The following NR3C2 variants were observed in gnomAD, a reference collection of about 807,000 sequenced individuals.
The protein encoded by NR3C2 is mineralocorticoid receptor.
In NR3C2, 15 loss-of-function variants were observed where a neutral mutation model predicts 86.4. The observed-to-expected ratio is 0.17, with a 90% CI of 0.12 to 0.27. The LOEUF is 0.27. Among genes scored for constraint, NR3C2 ranks in the 10% least tolerant of loss-of-function variants. The pLI, the probability that NR3C2 is intolerant of heterozygous loss-of-function variation, is 1.00. For synonymous variants in NR3C2, 458 were observed against 450.5 expected (o/e 1.02, Z -0.21); for missense variants, 960 against 1,195.6 (o/e 0.80, Z 2.91).
intron 2 of NR3C2, among the ~76,000 whole-genome samples, chr4:148,434,771 T>A (rs1245244978): frequency 6.6e-6 from 1 of 151,988 alleles, no homozygotes; most frequent in African/African-American, 2.4e-5. Context: ...GGAAAAAAAA[T>A]CTAGTACTGG....
At chr4:148,430,748 T>C (rs1025591173) in intron 2 of NR3C2, among the ~76,000 whole-genome samples, 1 of 152,148 alleles carries the variant, frequency 6.6e-6, no homozygotes, top group Admixed American at 6.5e-5. Context: ...CCTTCTCAAC[T>C]GTTTATATTG....
At chr4:148,175,334 G>A (rs1432871630) in intron 4 of NR3C2, among the ~76,000 whole-genome samples, 18 of 152,268 alleles carry the variant, frequency 1.2e-4, no homozygotes, top group Admixed American at 8.5e-4. Flanking sequence ...AAGGATGCCC[G>A]TGCTCCATTC....
At chr4:148,445,104 A>G (rs571741260), upstream of NR3C2, 45 of 598,204 alleles carry the variant, frequency 7.5e-5, no homozygotes, top group African/African-American at 8.7e-4. Context: ...CCCTCCCACT[A>G]CGGCCACTGA....
At chr4:148,381,201 C>T (rs1746968312) in intron 2 of NR3C2, among the ~76,000 whole-genome samples, 1 of 151,228 alleles carries the variant, frequency 6.6e-6, no homozygotes, top group Non-Finnish European at 1.5e-5. Context: ...GCACTCCAGC[C>T]TGGGCACTAG....
At chr4:148,255,867 G>C (rs1183627372) in intron 3 of NR3C2, among the ~76,000 whole-genome samples, 1 of 152,180 alleles carries the variant, frequency 6.6e-6, no homozygotes, top group Non-Finnish European at 1.5e-5. Flanking sequence ...AAGTCAAAAG[G>C]CCTACACAAA....
chr4:148,381,348 C>T (rs567408758), intron 2 of NR3C2, among the ~76,000 whole-genome samples: 46 of 152,222 alleles, frequency 3.0e-4, no homozygotes, highest in African/African-American at 1.1e-3. Context: ...TGTTCAAATG[C>T]CATGTACTGT....
intron 3 of NR3C2, among the ~76,000 whole-genome samples, chr4:148,256,897 GCA>G (rs1739860224): frequency 6.6e-6 from 1 of 151,956 alleles, no homozygotes. Context: ...ATTAAACAGA[GCA>G]CACACACACA....
chr4:148,338,875 A>G (rs901115466), intron 2 of NR3C2, among the ~76,000 whole-genome samples: 28 of 152,370 alleles, frequency 1.8e-4, no homozygotes, highest in Middle Eastern at 3.4e-3. Context: ...GGCCAAATCT[A>G]GCACTGGTGC....
At chr4:148,105,796 A>G (rs925293556) in intron 8 of NR3C2, among the ~76,000 whole-genome samples, 2 of 152,242 alleles carry the variant, frequency 1.3e-5, no homozygotes, top group Non-Finnish European at 2.9e-5. Context: ...ATCCCAATAG[A>G]TGCAGAAAAG....
chr4:148,314,176 T>C (rs1194950049), intron 2 of NR3C2, among the ~76,000 whole-genome samples: 1 of 152,096 alleles, frequency 6.6e-6, no homozygotes, highest in Admixed American at 6.6e-5. Context: ...TATGATCGCA[T>C]ACTTTGAGGT....
chr4:148,436,175 A>T lies in NR3C2; in HGVS notation c.686T>A (p.Ile229Asn), dbSNP rs745408395. Residue 229 changes from isoleucine to asparagine, a missense_variant, in exon 2 of 9, where the codon ATC becomes AAC. Around this residue, in one of 4 missense-constraint regions of NR3C2, gnomAD observed 680 missense variants for 719.0 expected, o/e 0.95. Transcript: ENST00000358102. The part of the protein sequence containing the change: ...SFGSFPVHSP[I>N]TQGTPLTCSP... ...GCATGTCAGAGGAGTTCCCTGGGTG[A>T]TTGGGCTGTGCACTGGAAAACTGCC... is the stretch of plus-strand genomic sequence containing the variant. 1 of 1,614,150 alleles carries T rather than the reference A, an allele frequency of 6.2e-7. No homozygotes were observed. The highest frequency in any genetic ancestry group is 8.5e-7 in the Non-Finnish European group (1 of 1,180,016).
chr4:148,167,213 A>G (rs986614737), intron 4 of NR3C2, among the ~76,000 whole-genome samples: 1 of 152,222 alleles, frequency 6.6e-6, no homozygotes, highest in Non-Finnish European at 1.5e-5. Flanking sequence ...AAGGTGGCCC[A>G]TGGCTGTCAC....
intron 2 of NR3C2, among the ~76,000 whole-genome samples, chr4:148,297,833 G>A (rs1742134849): frequency 6.6e-6 from 1 of 151,324 alleles, no homozygotes; most frequent in Non-Finnish European, 1.5e-5. Context: ...AGGTTGCAGT[G>A]AGCTGAGATT....
At chr4:148,144,620 A>G (rs1733778475) in intron 6 of NR3C2, among the ~76,000 whole-genome samples, 1 of 152,180 alleles carries the variant, frequency 6.6e-6, no homozygotes, top group East Asian at 1.9e-4. Flanking sequence ...GGGGACTTGT[A>G]TCTACCTCTC....
chr4:148,324,381 CTGTG>C (rs1420546866), intron 2 of NR3C2, among the ~76,000 whole-genome samples: 2 of 131,016 alleles, frequency 1.5e-5, no homozygotes, highest in African/African-American at 5.7e-5. Flanking sequence ...GTGTGTGTTC[CTGTG>C]TGTATGTGTC....
chr4:148,409,577 A>G (rs1159938126), intron 2 of NR3C2, among the ~76,000 whole-genome samples: 1 of 152,108 alleles, frequency 6.6e-6, no homozygotes, highest in Non-Finnish European at 1.5e-5. Context: ...TAGAAATGTT[A>G]TTTTTCTTTT....
intron 3 of NR3C2, among the ~76,000 whole-genome samples, chr4:148,222,435 C>T (rs1296899222): frequency 1.3e-5 from 2 of 152,130 alleles, no homozygotes; most frequent in Non-Finnish European, 2.9e-5. Context: ...CCTTGGTTAT[C>T]CAAAGCTACT....
intron 2 of NR3C2, among the ~76,000 whole-genome samples, chr4:148,302,501 T>C (rs761624532): frequency 1.3e-5 from 2 of 152,196 alleles, no homozygotes; most frequent in Admixed American, 1.3e-4. Flanking sequence ...TATGGCAACA[T>C]AGTTGTTTGC....
chr4:148,375,720 C>T (rs1746644260), intron 2 of NR3C2, among the ~76,000 whole-genome samples: 1 of 151,856 alleles, frequency 6.6e-6, no homozygotes, highest in African/African-American at 2.4e-5. Flanking sequence ...TTAAAAAAAA[C>T]AGTTTCAAAA....
Sources: gnomAD v4.1 joint callset for allele counts (sites outside exome capture counted in the v4.1 genomes callset) on GRCh38, gnomAD v4.1.1 for gene constraint, gnomAD v4.1.1 regional missense constraint, MANE v1.5 for transcripts, NCBI Gene and HGNC (gene_info 2026-07-23, HGNC 2026-07-21) for gene names.